SENP5: variants seen among roughly 807,000 people sequenced by gnomAD.
SENP5 encodes SUMO specific peptidase 5, also known as sentrin-specific protease 5.
In SENP5, 21 loss-of-function variants were observed where a neutral mutation model predicts 74.2. The ratio of observed to expected loss-of-function variants is 0.28; its 90% CI spans 0.20 to 0.41. The LOEUF is 0.41. Among genes scored for constraint, SENP5 ranks in the 10% least tolerant of loss-of-function variants. SENP5 has a pLI of 1.00. For missense variants in SENP5, 717 were observed against 889.1 expected (o/e 0.81, Z 2.46); for synonymous variants, 311 against 312.7 (o/e 0.99, Z 0.06).
chr3:196,908,201 G>A (rs1193500551), intron 6 of SENP5, among the ~76,000 whole-genome samples: 1 of 152,058 alleles, frequency 6.6e-6, no homozygotes, highest in African/African-American at 2.4e-5. Context: ...GATCACTTGA[G>A]CCTGGGAGGT....
At chr3:196,887,952 G>A (rs1457581201) in intron 2 of SENP5, among the ~76,000 whole-genome samples, 2 of 151,950 alleles carry the variant, frequency 1.3e-5, no homozygotes, top group African/African-American at 2.4e-5. Context: ...TATTTTAGTA[G>A]AGACAGTGTT....
At chr3:196,882,142 G>T (rs866694060) in intron 1 of SENP5, among the ~76,000 whole-genome samples, 1 of 151,764 alleles carries the variant, frequency 6.6e-6, no homozygotes, top group African/African-American at 2.4e-5. Flanking sequence ...CAAGTGATCC[G>T]CCTGTCTTGG....
At chr3:196,868,884 T>TTTTTTTTTGTTTGTTTG (rs1481174627) in intron 1 of SENP5, among the ~76,000 whole-genome samples, 18 of 151,544 alleles carry the variant, frequency 1.2e-4, no homozygotes, top group African/African-American at 4.4e-4. Flanking sequence ...CTACTTATGT[T>TTTTTTTTTGTTTGTTTG]TTTTTTTTGC....
chr3:196,930,795 G>A lies in SENP5; in HGVS notation c.2158-18G>A. ...TCCAAGTGCCACTGAAGTGTTTCTG[G>A]GACCTTTTTTTTTGCAGTACTGCAA... is the stretch of plus-strand genomic sequence containing the variant. On this transcript the variant is annotated intron_variant, in intron 9 of 9. Coordinates refer to ENST00000323460, the MANE Select transcript of SENP5 (RefSeq NM_152699.5). The A allele has an allele frequency of 7.0e-7, 1 of 1,419,944 alleles. No homozygotes were observed. The highest frequency in any genetic ancestry group is 9.4e-7 in the Non-Finnish European group (1 of 1,060,002). 88.0% of individuals were successfully genotyped at this position (1,419,944 alleles called of 1,614,324 possible). A position where few individuals can be genotyped will look rare whatever the true frequency, so the allele number is the denominator to read the frequency against.
chr3:196,909,099 A>G (rs1398859629), intron 6 of SENP5, among the ~76,000 whole-genome samples: 1 of 152,194 alleles, frequency 6.6e-6, no homozygotes, highest in Non-Finnish European at 1.5e-5. Context: ...CCCCACAGAA[A>G]TATACAAATT....
chr3:196,931,483 G>C lies in SENP5; in HGVS notation c.*560G>C, dbSNP rs1716037024. On this transcript the variant is annotated 3_prime_UTR_variant, in exon 10 of 10. Coordinates refer to ENST00000323460, the MANE Select transcript of SENP5 (RefSeq NM_152699.5). ...GAGTGCAGTCCATTCCTTTTGAAGG[G>C]TGAGATGGAAGTGGTCGTAAACTGA... 1.1e-5 allele frequency: 2 copies of C among 181,532 alleles called. No individual in the cohort carries two copies. The highest frequency in any genetic ancestry group is 1.2e-4 in the Admixed American group (2 of 16,442). The allele number at this position is 181,532 out of a possible 1,614,324, so 11.2% of individuals were successfully genotyped here.
At chr3:196,930,666 T>C in intron 9 of SENP5, 147 bp from the exon 10 acceptor site, 1 of 605,410 alleles carries the variant, frequency 1.7e-6, no homozygotes, top group East Asian at 2.8e-5. Flanking sequence ...TGTGGAAAAA[T>C]TGCCTTACAC....
chr3:196,893,823 T>C (rs1714317422), intron 2 of SENP5, among the ~76,000 whole-genome samples: 1 of 151,774 alleles, frequency 6.6e-6, no homozygotes, highest in African/African-American at 2.4e-5. Flanking sequence ...GACAGGAGAA[T>C]TGCTTGTACT....
chr3:196,869,727 C>A (rs1048190499), intron 1 of SENP5, among the ~76,000 whole-genome samples: 1 of 127,408 alleles, frequency 7.8e-6, no homozygotes, highest in Non-Finnish European at 1.5e-5. Context: ...CCATTACACT[C>A]CAGCCTGGGC....
At chr3:196,873,694 G>T (rs1258365060) in intron 1 of SENP5, among the ~76,000 whole-genome samples, 2 of 151,846 alleles carry the variant, frequency 1.3e-5, no homozygotes, top group African/African-American at 4.8e-5. Flanking sequence ...CAAAAAATTA[G>T]CCGGGTGTGG....
At chr3:196,898,833 A>AT (rs1714567897) in intron 2 of SENP5, among the ~76,000 whole-genome samples, 1 of 152,162 alleles carries the variant, frequency 6.6e-6, no homozygotes, top group Non-Finnish European at 1.5e-5. Flanking sequence ...ATTGCATTCA[A>AT]TTCATTCGAT....
At chr3:196,876,663 T>G (rs1713487830) in intron 1 of SENP5, among the ~76,000 whole-genome samples, 1 of 151,226 alleles carries the variant, frequency 6.6e-6, no homozygotes, top group Admixed American at 6.6e-5. Context: ...GGCGGATCAC[T>G]TGAGTCCAGG....
chr3:196,924,337 C>A (rs1177074590), intron 7 of SENP5, among the ~76,000 whole-genome samples: 1 of 152,008 alleles, frequency 6.6e-6, no homozygotes, highest in Non-Finnish European at 1.5e-5. Flanking sequence ...ATGTATGATG[C>A]AAATAACAGA....
rs902311813 is a variant in SENP5 at position 196,903,957 on chromosome 3, C to A, written c.1884+347C>A. Among the ~76,000 whole-genome samples the A allele has an allele frequency of 5.9e-5, 9 of 152,186 alleles. No homozygotes were observed. The East Asian group carries it at 1.7e-3, about 29-fold the overall frequency. Reference sequence around the variant, plus strand: ...TCCCAGCTACTTGGGATGCTGAGACCAGAGGATCACTTGAGCACAAGCATT... The same window carrying A: ...TCCCAGCTACTTGGGATGCTGAGACAAGAGGATCACTTGAGCACAAGCATT... On this transcript the variant is annotated intron_variant, in intron 6 of 9. Coordinates refer to ENST00000323460, the MANE Select transcript of SENP5 (RefSeq NM_152699.5).
rs1002350193 is a variant in SENP5, at chr3:196,884,959, C to T, written c.-31-192C>T. Among the ~76,000 whole-genome samples the T allele has an allele frequency of 3.3e-5, 5 of 152,274 alleles. No homozygotes were observed. The South Asian group carries it at 1.0e-3, about 32-fold the overall frequency. ...CAGCAAATGGCTTTTTGTTAGACTA[C>T]TCATGTCCTCCCTCCTCTCCAGTTT... On this transcript the variant is annotated intron_variant, in intron 1 of 9. Transcript: ENST00000323460.
At chr3:196,920,846 A>G (rs115624660) in intron 6 of SENP5, among the ~76,000 whole-genome samples, 302 of 152,328 alleles carry the variant, frequency 2.0e-3, no homozygotes, top group African/African-American at 6.9e-3. Flanking sequence ...GAAAGTTTCA[A>G]TCTGATCGTG....
At chr3:196,917,862 C>T (rs571906730) in intron 6 of SENP5, among the ~76,000 whole-genome samples, 13 of 152,154 alleles carry the variant, frequency 8.5e-5, no homozygotes, top group African/African-American at 2.6e-4. Context: ...AGAAATCATC[C>T]AAAGGTACAA....
At chr3:196,927,926 A>G (rs1444091864) in intron 8 of SENP5, 47 bp downstream of exon 8, 12 of 1,244,978 alleles carry the variant, frequency 9.6e-6, no homozygotes, top group Non-Finnish European at 1.4e-5. Flanking sequence ...AGGGGATGGA[A>G]TTATCTAAGG....
chr3:196,924,271 T>G (rs1715731277), intron 7 of SENP5, among the ~76,000 whole-genome samples: 1 of 152,162 alleles, frequency 6.6e-6, no homozygotes, highest in African/African-American at 2.4e-5. Flanking sequence ...CACCTAATAA[T>G]TTAAAACTTC....
Sources: gnomAD v4.1 joint callset for allele counts (sites outside exome capture counted in the v4.1 genomes callset) on GRCh38, gnomAD v4.1.1 for gene constraint, MANE v1.5 for transcripts, NCBI Gene and HGNC (gene_info 2026-07-23, HGNC 2026-07-21) for gene names.